TCIRG1: variants seen among roughly 807,000 people sequenced by gnomAD.
The protein encoded by TCIRG1 is T cell immune regulator 1, ATPase H+ transporting V0 subunit a3.
In TCIRG1, 86 loss-of-function variants were observed where a neutral mutation model predicts 95.5. The observed-to-expected ratio is 0.90, with a 90% CI of 0.76 to 1.08. The LOEUF is 1.08. TCIRG1 is among the 50% of genes least tolerant of loss of function. TCIRG1 has a pLI of 0.00. For synonymous variants in TCIRG1, 499 were observed against 501.3 expected (o/e 1.00, Z 0.06); for missense variants, 1,069 against 1,140.2 (o/e 0.94, Z 0.90).
intron 1 of TCIRG1, among the ~76,000 whole-genome samples, chr11:68,040,956 G>C (rs1855129899): frequency 6.6e-6 from 1 of 152,230 alleles, no homozygotes; most frequent in South Asian, 2.1e-4. Context: ...AGGCCAGAGT[G>C]AAGGTGGGGG....
chr11:68,048,052 C>T (rs1855600384), intron 13 of TCIRG1, 80 bp downstream of exon 13: 1 of 1,270,040 alleles, frequency 7.9e-7, no homozygotes, highest in South Asian at 1.2e-5. Flanking sequence ...TTCAGCCGTC[C>T]TGCAGCGCTG....
Position 68,041,361 on chromosome 11 carries a change from C to G in TCIRG1, c.90C>G (p.Gly30=). ...AAAYTCVSRL[G]ELGLVEFRDL... is the part of the protein sequence containing the mutation. ...CCTACACCTGCGTGAGTCGGCTGGG[C>G]GAGCTGGGCCTCGTGGAGTTCAGAG... The change falls in exon 2 of 20, where the codon GGC becomes GGG. Residue 30 remains glycine (G), a synonymous_variant. Coordinates refer to ENST00000265686, the MANE Select transcript of TCIRG1 (RefSeq NM_006019.4). 1 of 1,612,812 alleles carries G rather than the reference C, an allele frequency of 6.2e-7. No homozygotes were observed. The highest frequency in any genetic ancestry group is 1.1e-5 in the South Asian group (1 of 91,078).
intron 2 of TCIRG1, 77 bp from the exon 3 acceptor site, chr11:68,041,676 G>A: frequency 7.9e-7 from 1 of 1,258,208 alleles, no homozygotes; most frequent in African/African-American, 1.5e-5. Context: ...CCTGGGGAGA[G>A]TCAGGCCTGG....
At chr11:68,042,112 G>C (rs1363267134) in intron 3 of TCIRG1, among the ~76,000 whole-genome samples, 6 of 148,512 alleles carry the variant, frequency 4.0e-5, no homozygotes, top group Non-Finnish European at 9.0e-5. Flanking sequence ...GCGCCAGGAA[G>C]CCACAGGGGT....
At chr11:68,045,330 C>T (rs991867481) in intron 10 of TCIRG1, among the ~76,000 whole-genome samples, 1 of 152,270 alleles carries the variant, frequency 6.6e-6, no homozygotes, top group Non-Finnish European at 1.5e-5. Context: ...GGAGCCGGCA[C>T]GGGCTTGTGC....
chr11:68,043,080 G>C, intron 5 of TCIRG1, 49 bp downstream of exon 5: 1 of 1,548,826 alleles, frequency 6.5e-7, no homozygotes, highest in African/African-American at 1.4e-5. Flanking sequence ...CAGAACCCCT[G>C]GCCAGTCGCT....
At chr11:68,047,339 G>C (rs969079123) in intron 10 of TCIRG1, 94 bp from the exon 11 acceptor site, 2 of 1,392,042 alleles carry the variant, frequency 1.4e-6, no homozygotes, top group South Asian at 2.4e-5. Flanking sequence ...ATGGGTTCTT[G>C]ACTGCAGGCC....
At chr11:68,044,824 C>T (rs774929430) in intron 9 of TCIRG1, 134 bp from the exon 10 acceptor site, 23 of 1,125,538 alleles carry the variant, frequency 2.0e-5, no homozygotes, top group East Asian at 1.8e-4. Context: ...GATCATCTCA[C>T]GTCAGAGAGA....
chr11:68,047,703 C>T lies in TCIRG1; in HGVS notation c.1362C>T (p.Ser454=), dbSNP rs2134455203. 1 of 1,611,714 alleles carries T rather than the reference C, an allele frequency of 6.2e-7. No individual in the cohort carries two copies. The highest frequency in any genetic ancestry group is 8.5e-7 in the Non-Finnish European group (1 of 1,179,362). ...RYLLLLMGLF[S]IYTGFIYNEC... is the part of the protein sequence containing the mutation. ...TGCTCCTGCTTATGGGCCTGTTCTC[C>T]ATCTACACCGGCTTCATCTACAACG... Residue 454 remains serine (S), a synonymous_variant, in exon 12 of 20, where the codon TCC becomes TCT. Transcript: ENST00000265686.
chr11:68,044,463 C>A, intron 9 of TCIRG1, 119 bp downstream of exon 9: 1 of 800,924 alleles, frequency 1.2e-6, no homozygotes. Context: ...GGCTCCTTCT[C>A]CTCCCAGCCT....
intron 4 of TCIRG1, 35 bp from the exon 5 acceptor site, chr11:68,042,911 C>G (rs1356135490): frequency 1.3e-6 from 2 of 1,550,446 alleles, no homozygotes; most frequent in South Asian, 2.4e-5. Flanking sequence ...GAGGGGCTGT[C>G]CAGCCTAGGG....
rs201531306 is a variant in TCIRG1 at position 68,043,511 on chromosome 11, G to A, written c.630+14G>A. On this transcript the variant is annotated intron_variant, in intron 6 of 19. Transcript: ENST00000265686. ...CACCCCGTGACGGTGAGCAGCTGGC[G>A]CTGGGCTGGGGGGTCCTGGGCAGAG... The A allele has an allele frequency of 2.3e-3, 3,618 of 1,578,158 alleles. 6 individuals carry two copies. Among genetic ancestry groups the A allele is most frequent in the Non-Finnish European group, 2.9e-3 (3,331 of 1,162,198 alleles).
downstream of TCIRG1, among the ~76,000 whole-genome samples, chr11:68,051,665 T>A (rs1044486700): frequency 7.2e-5 from 11 of 152,206 alleles, no homozygotes; most frequent in Non-Finnish European, 1.5e-4. Flanking sequence ...CCAGGGGTCG[T>A]ATCAGGGGCT....
rs951461588 is a variant in TCIRG1 at position 68,049,867 on chromosome 11, C to T, written c.2013+79C>T. 31 of 1,555,704 alleles carry T rather than the reference C, an allele frequency of 2.0e-5. No homozygotes were observed. In the African/African-American group the frequency reaches 3.1e-4, roughly 16 times the overall value. On this transcript the variant is annotated intron_variant, in intron 16 of 19. Coordinates refer to ENST00000265686, the MANE Select transcript of TCIRG1 (RefSeq NM_006019.4). ...CGGTGTGTCCCTGACTCCTCGCTTC[C>T]TGACAGACTCCTGAGTGGCCAGGAG...
chr11:68,045,212 G>A, intron 10 of TCIRG1, 110 bp downstream of exon 10: 1 of 1,351,770 alleles, frequency 7.4e-7, no homozygotes, highest in African/African-American at 1.4e-5. Context: ...CTGCCCTCCT[G>A]GGATGAGGGG....
chr11:68,051,607 G>A (rs568410405), downstream of TCIRG1, among the ~76,000 whole-genome samples: 31 of 152,374 alleles, frequency 2.0e-4, no homozygotes, highest in Admixed American at 7.2e-4. Flanking sequence ...CTGCTGGGAG[G>A]AGCCTGTCCA....
chr11:68,040,726 C>T (rs867180758), intron 1 of TCIRG1, among the ~76,000 whole-genome samples: 13 of 152,226 alleles, frequency 8.5e-5, no homozygotes, highest in Non-Finnish European at 1.5e-4. Context: ...TGGAAGGCTG[C>T]GGCTGCTGCC....
chr11:68,050,287 G>C, intron 18 of TCIRG1, 33 bp downstream of exon 18: 5 of 1,605,312 alleles, frequency 3.1e-6, no homozygotes, highest in Non-Finnish European at 4.3e-6. Flanking sequence ...GCTGGCCCCA[G>C]CTCCTGGCTT....
Position 68,049,706 on chromosome 11 carries a change from T to C in TCIRG1, c.1931T>C (p.Val644Ala). The C allele has an allele frequency of 6.3e-7, 1 of 1,596,548 alleles. No individual in the cohort carries two copies. The highest frequency in any genetic ancestry group is 8.5e-7 in the Non-Finnish European group (1 of 1,176,566). The change falls in exon 16 of 20, where the codon GTG becomes GCG. Residue 644 changes from valine to alanine, a missense_variant. By Grantham distance (64) the Val-to-Ala change is moderately conservative. Coordinates refer to ENST00000265686, the MANE Select transcript of TCIRG1 (RefSeq NM_006019.4). ...ATLVVLALAMVPILLLGTPLH... is the reference protein window; with the variant it reads ...ATLVVLALAMAPILLLGTPLH... ...CTGGTGGTCCTGGCCTTGGCCATGG[T>C]GCCCATCCTGCTGCTTGGCACACCC...
Sources: gnomAD v4.1 joint callset for allele counts (sites outside exome capture counted in the v4.1 genomes callset) on GRCh38, gnomAD v4.1.1 for gene constraint, MANE v1.5 for transcripts, NCBI Gene and HGNC (gene_info 2026-07-23, HGNC 2026-07-21) for gene names.